Variants in NCKAP5 observed in about 807,000 individuals in gnomAD.
NCKAP5 encodes NCK associated protein 5, also known as nck-associated protein 5.
In NCKAP5, 92 loss-of-function variants were observed where a neutral mutation model predicts 167.0. That is an observed-to-expected ratio of 0.55 (90% confidence interval 0.47 to 0.66). NCKAP5 has a LOEUF of 0.66. Ranked by LOEUF, NCKAP5 falls within the 30% of genes least tolerant of loss-of-function variation. NCKAP5 has a pLI of 0.00. For missense variants in NCKAP5, 2,378 were observed against 2,315.0 expected (o/e 1.03, Z -0.56); for synonymous variants, 891 against 877.4 (o/e 1.02, Z -0.27).
intron 6 of NCKAP5, among the ~76,000 whole-genome samples, chr2:133,088,368 G>A (rs761520227): frequency 1.6e-4 from 25 of 151,808 alleles, no homozygotes; most frequent in African/African-American, 4.1e-4. Flanking sequence ...TTTGTCCCCC[G>A]TACGTGAAGT....
intron 5 of NCKAP5, among the ~76,000 whole-genome samples, chr2:133,198,837 G>A (rs374668505): frequency 9.9e-5 from 15 of 152,124 alleles, no homozygotes; most frequent in East Asian, 9.7e-4. Flanking sequence ...AAATATCTTG[G>A]AAACGAACAA....
chr2:133,265,308 A>C lies in NCKAP5; in HGVS notation c.143+37729T>G, dbSNP rs543241247. Among the ~76,000 whole-genome samples the C allele has an allele frequency of 1.7e-3, 265 of 152,312 alleles. 1 individual carries two copies. Among genetic ancestry groups the C allele is most frequent in the African/African-American group, 6.1e-3 (253 of 41,580 alleles). ...ATTCCGGGGTGGCTGCCTGTTACTC[A>C]GCAAGAAAGCGAACACTGGCTTGCT... On this transcript the variant is annotated intron_variant, in intron 4 of 19. Coordinates refer to ENST00000409261, the MANE Select transcript of NCKAP5 (RefSeq NM_207363.3).
chr2:132,679,479 A>G (rs997871820), intron 19 of NCKAP5, among the ~76,000 whole-genome samples: 19 of 152,286 alleles, frequency 1.2e-4, no homozygotes, highest in Middle Eastern at 6.8e-3. Flanking sequence ...GTCCCCTACT[A>G]CCACCCAACA....
intron 7 of NCKAP5, among the ~76,000 whole-genome samples, chr2:132,967,872 TA>T: frequency 6.6e-6 from 1 of 152,254 alleles, no homozygotes; most frequent in East Asian, 1.9e-4. Context: ...GTGGTGTGGT[TA>T]GGGGCAATGT....
chr2:133,377,780 CAGA>C (rs1349680560), intron 3 of NCKAP5, among the ~76,000 whole-genome samples: 1 of 152,158 alleles, frequency 6.6e-6, no homozygotes, highest in East Asian at 1.9e-4. Context: ...GTAGGGGACT[CAGA>C]AGAAGGAAGT....
chr2:132,760,752 T>G (rs1008072406), intron 16 of NCKAP5, among the ~76,000 whole-genome samples: 9 of 152,230 alleles, frequency 5.9e-5, no homozygotes, highest in Admixed American at 5.2e-4. Flanking sequence ...AACCTGAGTC[T>G]GCATTGTTTT....
At chr2:132,950,507 G>A (rs2076151064) in intron 8 of NCKAP5, among the ~76,000 whole-genome samples, 2 of 152,142 alleles carry the variant, frequency 1.3e-5, no homozygotes, top group Non-Finnish European at 2.9e-5. Flanking sequence ...GATGGGGTAA[G>A]GTCATAAATG....
At chr2:132,864,025 T>C (rs1690145908) in intron 10 of NCKAP5, among the ~76,000 whole-genome samples, 4 of 152,204 alleles carry the variant, frequency 2.6e-5, no homozygotes, top group Admixed American at 2.0e-4. Flanking sequence ...ATGATACATT[T>C]AGGCTGGATG....
chr2:133,163,863 G>A (rs2083897202), intron 5 of NCKAP5, among the ~76,000 whole-genome samples: 1 of 152,094 alleles, frequency 6.6e-6, no homozygotes, highest in South Asian at 2.1e-4. Flanking sequence ...CTGTTATTTG[G>A]AGCCAGTCCC....
chr2:132,827,049 G>A (rs1687175224), intron 11 of NCKAP5, among the ~76,000 whole-genome samples: 1 of 152,118 alleles, frequency 6.6e-6, no homozygotes, highest in Admixed American at 6.5e-5. Flanking sequence ...CTTTTCATGG[G>A]GAGCAGAAGA....
At chr2:133,646,128 C>T in the NCKAP5 span, among the ~76,000 whole-genome samples, 1 of 151,670 alleles carries the variant, frequency 6.6e-6, no homozygotes, top group Admixed American at 6.6e-5. Context: ...AATATGTAAA[C>T]AAATCTTTTT....
the NCKAP5 span, among the ~76,000 whole-genome samples, chr2:133,647,333 AAAAGAAAGG>A: frequency 7.3e-6 from 1 of 136,782 alleles, no homozygotes; most frequent in Non-Finnish European, 1.5e-5. Flanking sequence ...CAAGACCGAA[AAAAGAAAGG>A]AAAGAAAGGA....
intron 6 of NCKAP5, among the ~76,000 whole-genome samples, chr2:133,101,804 G>A (rs986186556): frequency 2.6e-5 from 4 of 152,214 alleles, no homozygotes; most frequent in African/African-American, 9.6e-5. Flanking sequence ...CATTCAGATA[G>A]TGGTGTATGT....
chr2:132,799,588 T>C (rs372813646), intron 11 of NCKAP5, among the ~76,000 whole-genome samples: 4 of 152,132 alleles, frequency 2.6e-5, no homozygotes, highest in African/African-American at 7.2e-5. Context: ...GAAATTCACA[T>C]AGGCCAATTT....
At chr2:133,017,198 A>C (rs1453161111) in intron 6 of NCKAP5, among the ~76,000 whole-genome samples, 2 of 152,154 alleles carry the variant, frequency 1.3e-5, no homozygotes, top group Non-Finnish European at 2.9e-5. Context: ...AAACCTATTT[A>C]TGTTATTTTC....
intron 11 of NCKAP5, among the ~76,000 whole-genome samples, chr2:132,837,104 A>C (rs1168152435): frequency 1.3e-5 from 2 of 152,146 alleles, no homozygotes; most frequent in African/African-American, 4.8e-5. Context: ...CTACTGAGAA[A>C]TCAGACATCG....
the NCKAP5 span, among the ~76,000 whole-genome samples, chr2:133,656,207 G>A: frequency 6.6e-6 from 1 of 151,868 alleles, no homozygotes; most frequent in African/African-American, 2.4e-5. Flanking sequence ...CAAGCTATTT[G>A]ACCTTGGGCA....
At chr2:132,883,183 C>G (rs1233970215) in intron 8 of NCKAP5, among the ~76,000 whole-genome samples, 1 of 147,816 alleles carries the variant, frequency 6.8e-6, no homozygotes, top group East Asian at 2.1e-4. Flanking sequence ...GCCTGGGCGA[C>G]AAAACCAGAC....
At chr2:133,134,921 C>A (rs761226692) in intron 5 of NCKAP5, among the ~76,000 whole-genome samples, 10 of 152,122 alleles carry the variant, frequency 6.6e-5, no homozygotes, top group African/African-American at 2.2e-4. Flanking sequence ...GAGAACTGTG[C>A]GTGTAAAAGC....
Sources: gnomAD v4.1 joint callset for allele counts (sites outside exome capture counted in the v4.1 genomes callset) on GRCh38, gnomAD v4.1.1 for gene constraint, MANE v1.5 for transcripts, NCBI Gene and HGNC (gene_info 2026-07-23, HGNC 2026-07-21) for gene names.